The following ATP6V1C2 variants were observed in gnomAD, a reference collection of about 807,000 sequenced individuals.
ATP6V1C2 encodes ATPase H+ transporting V1 subunit C2, also known as V-type proton ATPase subunit C 2.
In ATP6V1C2, 45 loss-of-function variants were observed where a neutral mutation model predicts 56.8. The observed-to-expected ratio is 0.79, with a 90% CI of 0.62 to 1.02. The LOEUF (loss-of-function observed/expected upper bound fraction) is 1.02, where lower values mean the gene tolerates loss of function less well. ATP6V1C2 is among the 50% of genes least tolerant of loss of function. The pLI is 0.00. For missense variants in ATP6V1C2, 463 were observed against 519.7 expected (o/e 0.89, Z 1.06); for synonymous variants, 220 against 201.3 (o/e 1.09, Z -0.79).
At position 10,764,423 on chromosome 2, in the gene ATP6V1C2, A is replaced by G; in HGVS notation, c.376A>G (p.Lys126Glu). The G allele has an allele frequency of 6.2e-7, 1 of 1,613,450 alleles. No individual in the cohort carries two copies. The highest frequency in any genetic ancestry group is 8.5e-7 in the Non-Finnish European group (1 of 1,179,394). Residue 126 changes from lysine (K) to glutamate (E), a missense_variant and splice_region_variant, in exon 5 of 14, where the codon AAG becomes GAG. By Grantham distance (56) the Lys-to-Glu change is moderately conservative (BLOSUM62 1). Coordinates refer to ENST00000272238, the MANE Select transcript of ATP6V1C2 (RefSeq NM_001039362.2). ...CGTGAGTGTGGTGGACACAATAGCC[A>G]AGGTGAGAAAAGGGACTGCTCTGGG... ...PLVSVVDTIA[K>E]QLAQIEMDLK...
intron 8 of ATP6V1C2, among the ~76,000 whole-genome samples, chr2:10,773,568 A>T (rs1400505718): frequency 6.6e-6 from 1 of 151,892 alleles, no homozygotes; most frequent in Non-Finnish European, 1.5e-5. Context: ...TTTTTGGTAG[A>T]GATGGGGTTT....
At chr2:10,733,330 C>T (rs756050589) in intron 3 of ATP6V1C2, among the ~76,000 whole-genome samples, 10 of 152,146 alleles carry the variant, frequency 6.6e-5, no homozygotes, top group South Asian at 2.1e-4. Flanking sequence ...GAAAAGTCCT[C>T]GAGTGTTATT....
intron 2 of ATP6V1C2, 69 bp from the exon 3 acceptor site, chr2:10,726,433 G>A (rs977290546): frequency 9.2e-5 from 110 of 1,195,802 alleles, no homozygotes; most frequent in Non-Finnish European, 1.3e-4. Flanking sequence ...AGTCCCTGCC[G>A]TGTTGTTGAG....
intron 3 of ATP6V1C2, among the ~76,000 whole-genome samples, chr2:10,740,855 T>C (rs565249302): frequency 1.3e-5 from 2 of 152,198 alleles, no homozygotes; most frequent in Admixed American, 1.3e-4. Context: ...CCCGGCTAAT[T>C]TTTGCATTTT....
chr2:10,782,745 C>T (rs1361377261), intron 13 of ATP6V1C2, among the ~76,000 whole-genome samples: 1 of 141,452 alleles, frequency 7.1e-6, no homozygotes, highest in Non-Finnish European at 1.5e-5. Flanking sequence ...GCAGGAGAAT[C>T]GCTTGAACCT....
chr2:10,761,682 A>G (rs996882721), intron 4 of ATP6V1C2, among the ~76,000 whole-genome samples: 3 of 152,172 alleles, frequency 2.0e-5, no homozygotes, highest in Non-Finnish European at 4.4e-5. Flanking sequence ...TTCTTGCTGC[A>G]TCGTCCCATG....
chr2:10,768,944 A>C (rs1664406522), intron 6 of ATP6V1C2, 134 bp downstream of exon 6: 2 of 702,456 alleles, frequency 2.8e-6, no homozygotes. Flanking sequence ...AGGTGGAGGC[A>C]CTCTCACCTC....
chr2:10,779,900 G>A (rs1214036743), intron 12 of ATP6V1C2, among the ~76,000 whole-genome samples: 5 of 152,016 alleles, frequency 3.3e-5, no homozygotes, highest in Admixed American at 1.3e-4. Context: ...CAGAGGAAAC[G>A]CCTTCGAAGG....
At chr2:10,758,310 G>A (rs1294332890) in intron 4 of ATP6V1C2, among the ~76,000 whole-genome samples, 1 of 152,202 alleles carries the variant, frequency 6.6e-6, no homozygotes, top group Admixed American at 6.5e-5. Flanking sequence ...GTATTATGCA[G>A]TATCCATCCC....
At chr2:10,744,732 G>C (rs1572534364) in intron 3 of ATP6V1C2, among the ~76,000 whole-genome samples, 2 of 144,588 alleles carry the variant, frequency 1.4e-5, no homozygotes, top group East Asian at 4.1e-4. Flanking sequence ...GCAGTGGCGT[G>C]ATCTCGGCTC....
chr2:10,777,936 C>T (rs1020967940), intron 11 of ATP6V1C2, among the ~76,000 whole-genome samples: 2 of 138,890 alleles, frequency 1.4e-5, no homozygotes, highest in Admixed American at 7.7e-5. Flanking sequence ...TCGGCCAGGG[C>T]GCCTCTCCCC....
upstream of ATP6V1C2, chr2:10,721,543 A>AGGCGGAC (rs1661352740): frequency 6.6e-6 from 1 of 151,986 alleles, no homozygotes; most frequent in Non-Finnish European, 1.5e-5. Context: ...GCGAGGCGGG[A>AGGCGGAC]GGCGGACGGC....
intron 3 of ATP6V1C2, among the ~76,000 whole-genome samples, chr2:10,730,900 A>G (rs1327539347): frequency 6.6e-6 from 1 of 151,632 alleles, no homozygotes; most frequent in Non-Finnish European, 1.5e-5. Flanking sequence ...TGATCCACCC[A>G]CCTTGGCCTC....
intron 3 of ATP6V1C2, among the ~76,000 whole-genome samples, chr2:10,727,715 A>G (rs1466128265): frequency 6.6e-6 from 1 of 152,084 alleles, no homozygotes; most frequent in Non-Finnish European, 1.5e-5. Flanking sequence ...CCTGGCCAAG[A>G]CGGTGAAACT....
intron 2 of ATP6V1C2, among the ~76,000 whole-genome samples, chr2:10,723,873 ATT>A (rs75001970): frequency 4.0e-5 from 6 of 148,702 alleles, no homozygotes; most frequent in Admixed American, 2.0e-4. Flanking sequence ...GACATGTGCA[ATT>A]TTTTTCCCCC....
intron 3 of ATP6V1C2, among the ~76,000 whole-genome samples, chr2:10,741,242 G>A (rs10190937): frequency 0.011 from 1,749 of 152,352 alleles, 24 homozygotes; most frequent in African/African-American, 0.041. Context: ...CCCAGGGGGA[G>A]CCTCCTAGTG....
intron 2 of ATP6V1C2, among the ~76,000 whole-genome samples, chr2:10,723,359 G>A (rs1243914418): frequency 1.3e-5 from 2 of 152,106 alleles, no homozygotes; most frequent in South Asian, 2.1e-4. Flanking sequence ...TAGTTTAGAT[G>A]TGCAGGCTTG....
intron 3 of ATP6V1C2, among the ~76,000 whole-genome samples, chr2:10,731,658 CG>C (rs1553324188): frequency 6.6e-6 from 1 of 152,010 alleles, no homozygotes; most frequent in Non-Finnish European, 1.5e-5. Context: ...AGACTGGTCT[CG>C]TGCAGGAAGG....
intron 3 of ATP6V1C2, among the ~76,000 whole-genome samples, chr2:10,742,090 A>G (rs1286782271): frequency 6.6e-6 from 1 of 152,102 alleles, no homozygotes; most frequent in Admixed American, 6.6e-5. Flanking sequence ...TTATATTTTT[A>G]GTAGAGACAG....
Sources: gnomAD v4.1 joint callset for allele counts (sites outside exome capture counted in the v4.1 genomes callset) on GRCh38, gnomAD v4.1.1 for gene constraint, MANE v1.5 for transcripts, NCBI Gene and HGNC (gene_info 2026-07-23, HGNC 2026-07-21) for gene names.